Variants in NELL1 observed in about 807,000 individuals in gnomAD.
NELL1 encodes protein kinase C-binding protein NELL1.
NELL1 carries 76 observed loss-of-function variants against 107.4 expected under a neutral mutation model. The observed-to-expected ratio is 0.71, with a 90% CI of 0.59 to 0.86. NELL1 has a LOEUF of 0.86. Among genes scored for constraint, NELL1 ranks in the 40% least tolerant of loss-of-function variants. The pLI, the probability that NELL1 is intolerant of heterozygous loss-of-function variation, is 0.00. For missense variants in NELL1, 1,024 were observed against 1,005.5 expected (o/e 1.02, Z -0.25); for synonymous variants, 353 against 341.2 (o/e 1.03, Z -0.38).
chr11:20,785,638 G>T (rs1424535607), intron 3 of NELL1, among the ~76,000 whole-genome samples: 1 of 152,202 alleles, frequency 6.6e-6, no homozygotes, highest in Non-Finnish European at 1.5e-5. Flanking sequence ...ATTAGAAAGA[G>T]CACAGGTTTC....
At chr11:21,141,738 T>TTTAA (rs1229835534) in intron 13 of NELL1, among the ~76,000 whole-genome samples, 14 of 105,608 alleles carry the variant, frequency 1.3e-4, no homozygotes, top group Non-Finnish European at 1.2e-4. Flanking sequence ...CTCTATCCTT[T>TTTAA]TTATTTATTT....
rs1381894076 is a variant in NELL1, at chr11:21,332,134, C to T, written c.1550-38719C>T. 2.6e-5 allele frequency among the ~76,000 whole-genome samples: 4 copies of T among 152,042 alleles called. No individual in the cohort carries two copies. The East Asian group carries it at 7.7e-4, about 29-fold the overall frequency. On this transcript the variant is annotated intron_variant, in intron 14 of 19. Transcript: ENST00000357134. The stretch of plus-strand genomic sequence containing the variant: ...CTTACTGATCAGAACTTTAATGTCT[C>T]CCAGACTTATTAAGCTTCCATACGT...
chr11:21,342,548 G>A (rs747350791), intron 14 of NELL1, among the ~76,000 whole-genome samples: 33 of 151,652 alleles, frequency 2.2e-4, no homozygotes, highest in Non-Finnish European at 1.0e-4. Context: ...GGAGACTAAG[G>A]AGGGAGAATC....
At chr11:21,172,190 C>A (rs139202170) in intron 13 of NELL1, among the ~76,000 whole-genome samples, 2 of 151,978 alleles carry the variant, frequency 1.3e-5, no homozygotes, top group East Asian at 3.9e-4. Context: ...TATGTCTCCT[C>A]AGCTCCTTCC....
chr11:21,516,576 A>G (rs1001707609), intron 15 of NELL1, among the ~76,000 whole-genome samples: 13 of 152,182 alleles, frequency 8.5e-5, no homozygotes, highest in African/African-American at 3.1e-4. Flanking sequence ...CTACACACCT[A>G]TACAGCATGT....
rs552757511 is a variant in NELL1, at chr11:21,530,900, A to T, written c.1646-3474A>T. ...ATCTACCAGTCATTTATTTTTTCAT[A>T]CATTCATTCCCAGGGACTTGTATTG... On this transcript the variant is annotated intron_variant, in intron 15 of 19. Coordinates refer to ENST00000357134, the MANE Select transcript of NELL1 (RefSeq NM_006157.5). Among the ~76,000 whole-genome samples, 18 of 152,210 alleles carry T rather than the reference A, an allele frequency of 1.2e-4. 1 individual carries two copies. The South Asian group carries it at 3.5e-3, about 30-fold the overall frequency.
intron 16 of NELL1, among the ~76,000 whole-genome samples, chr11:21,549,639 C>A (rs1170541999): frequency 6.6e-6 from 1 of 151,756 alleles, no homozygotes; most frequent in Non-Finnish European, 1.5e-5. Flanking sequence ...TACATTGGCC[C>A]CCATCTGTAA....
At position 21,322,194 on chromosome 11, in the gene NELL1, A is replaced by G. The variant is rs114267897; in HGVS notation, c.1550-48659A>G. Among the ~76,000 whole-genome samples the G allele has an allele frequency of 4.0e-3, 607 of 152,286 alleles. 5 individuals carry two copies. The highest frequency in any genetic ancestry group is 0.014 in the African/African-American group (579 of 41,566). On this transcript the variant is annotated intron_variant, in intron 14 of 19. Transcript: ENST00000357134. ...CTTTCCAATTTTAAGCTCTGACTTT[A>G]TAGTGTAATGCAGAGCACTAGACTA...
chr11:20,991,024 G>A (rs184156971), intron 12 of NELL1, among the ~76,000 whole-genome samples: 1 of 152,098 alleles, frequency 6.6e-6, no homozygotes, highest in Non-Finnish European at 1.5e-5. Flanking sequence ...ACCAACTCTG[G>A]TGTTTGCCCA....
At chr11:21,010,378 G>A (rs1300514881) in intron 12 of NELL1, among the ~76,000 whole-genome samples, 1 of 152,020 alleles carries the variant, frequency 6.6e-6, no homozygotes, top group Non-Finnish European at 1.5e-5. Context: ...CACCCTCCCT[G>A]CCTGTCTCCT....
chr11:20,768,797 C>T (rs539097859), intron 2 of NELL1, among the ~76,000 whole-genome samples: 1 of 152,242 alleles, frequency 6.6e-6, no homozygotes, highest in Admixed American at 6.5e-5. Flanking sequence ...AACAGTCTCC[C>T]CTAGAGCTTC....
At chr11:20,779,131 C>T (rs989131776) in intron 2 of NELL1, among the ~76,000 whole-genome samples, 2 of 152,088 alleles carry the variant, frequency 1.3e-5, no homozygotes, top group Non-Finnish European at 2.9e-5. Flanking sequence ...CTGTAATTCA[C>T]CAGTTAATTT....
At chr11:21,284,613 T>C (rs1196214131) in intron 14 of NELL1, 1 of 430,026 alleles carries the variant, frequency 2.3e-6, no homozygotes, top group Non-Finnish European at 4.7e-6. Context: ...GCTCAGTCTT[T>C]ATGGCAATGT....
At chr11:21,005,243 G>A (rs1852304459) in intron 12 of NELL1, among the ~76,000 whole-genome samples, 1 of 152,152 alleles carries the variant, frequency 6.6e-6, no homozygotes, top group Non-Finnish European at 1.5e-5. Flanking sequence ...TCTCATTTAA[G>A]CCACTTAAAA....
chr11:21,513,993 G>A (rs574458286), intron 15 of NELL1, among the ~76,000 whole-genome samples: 6 of 152,234 alleles, frequency 3.9e-5, no homozygotes, highest in Admixed American at 3.3e-4. Flanking sequence ...TGAAATATTA[G>A]CATTTCCAGC....
intron 15 of NELL1, among the ~76,000 whole-genome samples, chr11:21,431,746 T>G (rs1245716199): frequency 6.6e-6 from 1 of 152,188 alleles, no homozygotes; most frequent in East Asian, 1.9e-4. Flanking sequence ...TGTTTTGCTC[T>G]TTCTCCTTTC....
chr11:21,544,844 A>G (rs1236620223), intron 16 of NELL1, among the ~76,000 whole-genome samples: 1 of 151,644 alleles, frequency 6.6e-6, no homozygotes, highest in African/African-American at 2.4e-5. Context: ...AGAAAACCTT[A>G]TTTGCTCAGT....
rs547071135 is a variant in NELL1, at chr11:20,863,470, G to T, written c.506+15717G>T. On this transcript the variant is annotated intron_variant, in intron 4 of 19. Transcript: ENST00000357134. Reference sequence around the variant, plus strand: ...GGAGGGGCTCCTCACTTCTCAGACGGGGCGGCCGGGCAGAGACGCTCCTCA... The same window carrying T: ...GGAGGGGCTCCTCACTTCTCAGACGTGGCGGCCGGGCAGAGACGCTCCTCA... 3.2e-3 allele frequency among the ~76,000 whole-genome samples: 444 copies of T among 139,742 alleles called. 8 individuals carry two copies. Among genetic ancestry groups the T allele is most frequent in the African/African-American group, 0.011 (413 of 37,752 alleles). 91.7% of individuals were successfully genotyped at this position (139,742 alleles called of 152,430 possible).
intron 15 of NELL1, among the ~76,000 whole-genome samples, chr11:21,440,592 T>C (rs1456632495): frequency 6.6e-6 from 1 of 152,216 alleles, no homozygotes; most frequent in Non-Finnish European, 1.5e-5. Flanking sequence ...GGCATTAATA[T>C]AACATCATAG....
Sources: gnomAD v4.1 joint callset for allele counts (sites outside exome capture counted in the v4.1 genomes callset) on GRCh38, gnomAD v4.1.1 for gene constraint, MANE v1.5 for transcripts, NCBI Gene and HGNC (gene_info 2026-07-23, HGNC 2026-07-21) for gene names.